ARAP1: variants seen among roughly 807,000 people sequenced by gnomAD.
The protein encoded by ARAP1 is ArfGAP with RhoGAP domain, ankyrin repeat and PH domain 1, also known as arf-GAP with Rho-GAP domain, ANK repeat and PH domain-containing protein 1.
In ARAP1, 76 loss-of-function variants were observed where a neutral mutation model predicts 172.2. That is an observed-to-expected ratio of 0.44 (90% confidence interval 0.37 to 0.53). The LOEUF (loss-of-function observed/expected upper bound fraction) is 0.53. Ranked by LOEUF, ARAP1 falls within the 20% of genes least tolerant of loss-of-function variation. The pLI is 0.00. For synonymous variants in ARAP1, 804 were observed against 803.3 expected, an observed-to-expected ratio of 1.00 and a Z score of -0.01; for missense variants, 1,686 against 1,977.5, an observed-to-expected ratio of 0.85 and a Z score of 2.80.
chr11:72,744,962 G>A (rs1373398287), intron 1 of ARAP1, among the ~76,000 whole-genome samples: 1 of 152,220 alleles, frequency 6.6e-6, no homozygotes, highest in Non-Finnish European at 1.5e-5. Context: ...CCCAGGCAGA[G>A]CAGGGGAGGG....
chr11:72,687,814 C>T, intron 31 of ARAP1, 76 bp from the exon 32 acceptor site: 2 of 1,549,316 alleles, frequency 1.3e-6, no homozygotes, highest in South Asian at 1.1e-5. Context: ...CAGGACAGAG[C>T]CCAGAAGCCA....
chr11:72,696,923 G>T, intron 22 of ARAP1, 60 bp downstream of exon 22: 2 of 1,518,946 alleles, frequency 1.3e-6, no homozygotes, highest in Non-Finnish European at 1.8e-6. Context: ...AGGGAAGGGC[G>T]CAGGAGTCCG....
intron 3 of ARAP1, chr11:72,721,829 C>G: frequency 3.0e-6 from 3 of 985,790 alleles, no homozygotes; most frequent in Non-Finnish European, 3.6e-6. Flanking sequence ...GCAACAACAG[C>G]AACGGCGGCA....
intron 3 of ARAP1, among the ~76,000 whole-genome samples, chr11:72,722,626 G>A (rs1857561995): frequency 6.6e-6 from 1 of 152,202 alleles, no homozygotes; most frequent in Non-Finnish European, 1.5e-5. Context: ...ACCAGGGATT[G>A]GCTGGACTGC....
At chr11:72,732,749 G>T (rs906724951) in intron 1 of ARAP1, among the ~76,000 whole-genome samples, 152 bp from the exon 2 acceptor site, 2 of 152,184 alleles carry the variant, frequency 1.3e-5, no homozygotes, top group Admixed American at 6.5e-5. Flanking sequence ...CAGCACTTTG[G>T]GAGGCAGGTG....
intron 13 of ARAP1, 135 bp from the exon 14 acceptor site, chr11:72,704,469 G>C (rs1856663220): frequency 9.8e-7 from 1 of 1,015,798 alleles, no homozygotes; most frequent in Non-Finnish European, 1.4e-6. Context: ...AATGGGGAAG[G>C]TGAGGACAGC....
intron 1 of ARAP1, among the ~76,000 whole-genome samples, chr11:72,749,870 CAAA>C (rs1335693964): frequency 3.2e-5 from 4 of 123,300 alleles, no homozygotes; most frequent in Admixed American, 8.2e-5. Flanking sequence ...GACTCCGTCT[CAAA>C]AAAAAAAAAA....
At chr11:72,689,905 A>C (rs1287503859) in intron 30 of ARAP1, among the ~76,000 whole-genome samples, 1 of 152,186 alleles carries the variant, frequency 6.6e-6, no homozygotes, top group Non-Finnish European at 1.5e-5. Flanking sequence ...ATAAGGAAGA[A>C]ACCTGTAGGC....
chr11:72,709,045 CAAAAAA>C (rs34249967), intron 11 of ARAP1, among the ~76,000 whole-genome samples: 1 of 50,304 alleles, frequency 2.0e-5, no homozygotes, highest in Admixed American at 2.1e-4. Context: ...TCTCAAAAAG[CAAAAAA>C]AAAAAAAAAA....
At chr11:72,719,918 T>C (rs1045621444) in intron 3 of ARAP1, among the ~76,000 whole-genome samples, 9 of 152,118 alleles carry the variant, frequency 5.9e-5, no homozygotes, top group African/African-American at 1.4e-4. Context: ...AAAGCCCAAA[T>C]CATACATCCA....
In ARAP1 at chr11:72,726,423, T is replaced by A. The variant is rs1482409419; in HGVS notation, c.509+197A>T. Reference sequence around the variant, plus strand: ...GGCACACGCCCAGCAGCCCAGGCACTGCGCTGAGTACCTGCACAGCTCTCC... The same window carrying A: ...GGCACACGCCCAGCAGCCCAGGCACAGCGCTGAGTACCTGCACAGCTCTCC... On this transcript the variant is annotated intron_variant, in intron 3 of 34. Transcript: ENST00000393609. This position sits in a 1 kb window ranked among gnomAD's most constrained non-coding sequence, Gnocchi z 6.5. Among the ~76,000 whole-genome samples, 2 of 152,136 alleles carry A rather than the reference T, an allele frequency of 1.3e-5. No homozygotes were observed. Among genetic ancestry groups the A allele is most frequent in the East Asian group, 3.9e-4 (2 of 5,190 alleles).
At chr11:72,701,445 C>G (rs11235572) in intron 16 of ARAP1, among the ~76,000 whole-genome samples, 76,464 of 152,038 alleles carry the variant, frequency 0.5, 19,387 homozygotes, top group Non-Finnish European at 0.54. Flanking sequence ...AACTCTGGCA[C>G]TGACCTGCTC....
chr11:72,729,488 G>T (rs915156877), intron 2 of ARAP1, among the ~76,000 whole-genome samples: 2 of 152,052 alleles, frequency 1.3e-5, no homozygotes, highest in African/African-American at 4.8e-5. Context: ...AGCTACTCAG[G>T]AGGCTAAGGC....
chr11:72,688,916 C>T, intron 30 of ARAP1: 1 of 199,718 alleles, frequency 5.0e-6, no homozygotes, highest in South Asian at 8.7e-5. Flanking sequence ...CATCCTCCCC[C>T]AGCACCAAAC....
At chr11:72,696,446 G>T in intron 23 of ARAP1, 103 bp downstream of exon 23, 1 of 909,866 alleles carries the variant, frequency 1.1e-6, no homozygotes, top group Non-Finnish European at 1.6e-6. Flanking sequence ...AGCACTTGGT[G>T]CAAAAGCCCA....
intron 1 of ARAP1, among the ~76,000 whole-genome samples, chr11:72,739,550 C>T (rs1386236326): frequency 1.3e-5 from 2 of 152,200 alleles, no homozygotes; most frequent in African/African-American, 2.4e-5. Context: ...TGGTTCCAGT[C>T]CTGGCTCCAC....
intron 16 of ARAP1, chr11:72,700,398 TGACCTCACAATGTTCCCACA>T (rs1402670192): frequency 6.6e-6 from 1 of 152,314 alleles, no homozygotes; most frequent in African/African-American, 2.4e-5. Context: ...TTGTCAGCAA[TGACCTCACAATGTTCCCACA>T]GCAGACTCTG....
In ARAP1 at chr11:72,702,952, G is replaced by T. The variant is rs150013910; in HGVS notation, c.2120C>A (p.Ala707Glu). The change falls in exon 15 of 35, where the codon GCG (alanine) becomes GAG (glutamate). Residue 707 changes from alanine to glutamate, a missense_variant. Physicochemically the swap from Ala to Glu is moderately radical, Grantham distance 107. This residue lies in a region of ARAP1 where 688 missense variants were observed against 856.9 expected (regional missense o/e 0.80). Transcript: ENST00000393609. Reference sequence around the variant, plus strand: ...GAATTCCATCTGCAGCGTCTGCCCCGCCTGCTCTGCAAGAGCCAGGGGCGT... The same window carrying T: ...GAATTCCATCTGCAGCGTCTGCCCCTCCTGCTCTGCAAGAGCCAGGGGCGT... Reference protein sequence around the residue: ...APTPLALAEQAGQTLQMEFLR... With the variant: ...APTPLALAEQEGQTLQMEFLR... The T allele has an allele frequency of 1.3e-6, 2 of 1,566,654 alleles. No individual in the cohort carries two copies. Among genetic ancestry groups the T allele is most frequent in the East Asian group, 4.7e-5 (2 of 42,576 alleles).
chr11:72,735,324 C>T (rs1021114422), intron 1 of ARAP1, among the ~76,000 whole-genome samples: 1 of 151,670 alleles, frequency 6.6e-6, no homozygotes, highest in Non-Finnish European at 1.5e-5. Flanking sequence ...AAAACACAAA[C>T]TGAGGGCCGG....
Sources: allele counts gnomAD v4.1 joint callset (sites outside exome capture counted in the v4.1 genomes callset), GRCh38; gene constraint gnomAD v4.1.1; regional missense constraint gnomAD v4.1.1; non-coding constraint Gnocchi (gnomAD v3.1); transcripts MANE v1.5; gene names NCBI Gene and HGNC (gene_info 2026-07-23, HGNC 2026-07-21).